The following NAV2 variants were observed in gnomAD, a reference collection of about 807,000 sequenced individuals.
The protein encoded by NAV2 is helicase, APC down-regulated 1.
Under a neutral mutation model 223.2 loss-of-function variants are expected in NAV2, and 54 were observed. The observed-to-expected ratio is 0.24, with a 90% CI of 0.19 to 0.30. The LOEUF (loss-of-function observed/expected upper bound fraction) is 0.30. Ranked by LOEUF, NAV2 falls within the 10% of genes least tolerant of loss-of-function variation. NAV2 has a pLI of 1.00. For missense variants in NAV2, 2,806 were observed against 3,147.5 expected, an observed-to-expected ratio of 0.89 and a Z score of 2.60; for synonymous variants, 1,279 against 1,239.3, an observed-to-expected ratio of 1.03 and a Z score of -0.67.
At position 20,051,310 on chromosome 11, in the gene NAV2, C is replaced by T; in HGVS notation, c.4458C>T (p.Asn1486=). Residue 1486 remains asparagine, a synonymous_variant, in exon 17 of 38, where the codon AAC becomes AAT. Coordinates refer to ENST00000349880, the MANE Select transcript of NAV2 (RefSeq NM_145117.5). ...ACAGTGACCCGCACCTTGATAGGAA[C>T]ACTTTGCCTAAGAAAGGACTCAGGT... is the stretch of plus-strand genomic sequence containing the variant. ...KQDSDPHLDR[N]TLPKKGLRYT... The T allele has an allele frequency of 1.2e-6, 2 of 1,614,128 alleles. No individual in the cohort carries two copies. Among genetic ancestry groups the T allele is most frequent in the Non-Finnish European group, 1.7e-6 (2 of 1,179,970 alleles).
upstream of NAV2, among the ~76,000 whole-genome samples, chr11:19,346,077 G>T (rs575208086): frequency 7.9e-5 from 12 of 152,098 alleles, no homozygotes; most frequent in Non-Finnish European, 1.6e-4. Flanking sequence ...CTATGAGCGC[G>T]TGTGTTTTCT....
chr11:20,103,249 C>T lies in NAV2; in HGVS notation c.6418-6C>T. The T allele has an allele frequency of 1.2e-6, 2 of 1,609,982 alleles. No homozygotes were observed. Among genetic ancestry groups the T allele is most frequent in the Non-Finnish European group, 1.7e-6 (2 of 1,177,632 alleles). On this transcript the variant is annotated splice_region_variant and splice_polypyrimidine_tract_variant and intron_variant, in intron 32 of 37. Transcript: ENST00000349880. Reference sequence around the variant, plus strand: ...TGTTCTCCTTCGGCCTTCCTGGCCACCATAGGAATTGCGCCAGTACCTGTC... The same window carrying T: ...TGTTCTCCTTCGGCCTTCCTGGCCATCATAGGAATTGCGCCAGTACCTGTC...
chr11:19,702,830 C>G (rs1345174600), intron 1 of NAV2, among the ~76,000 whole-genome samples: 2 of 144,986 alleles, frequency 1.4e-5, no homozygotes, highest in African/African-American at 5.1e-5. Flanking sequence ...ATAATAAGTC[C>G]CTTGAATAAA....
intron 1 of NAV2, among the ~76,000 whole-genome samples, chr11:19,456,977 C>T (rs1426860158): frequency 6.6e-6 from 1 of 152,164 alleles, no homozygotes; most frequent in Non-Finnish European, 1.5e-5. Flanking sequence ...TCTTAGGACT[C>T]GGCTCTTCTG....
intron 27 of NAV2, among the ~76,000 whole-genome samples, chr11:20,091,962 C>T (rs2060881376): frequency 6.6e-6 from 1 of 152,142 alleles, no homozygotes; most frequent in Non-Finnish European, 1.5e-5. Flanking sequence ...AAGCAGCAGA[C>T]TCTGGGAAGC....
chr11:19,844,997 A>G (rs1376119306), intron 3 of NAV2, among the ~76,000 whole-genome samples: 1 of 152,156 alleles, frequency 6.6e-6, no homozygotes, highest in Admixed American at 6.5e-5. Flanking sequence ...CAGTCATTCT[A>G]TTCTGTAGGA....
chr11:20,016,891 A>T (rs2054057944), intron 11 of NAV2, among the ~76,000 whole-genome samples: 3 of 151,874 alleles, frequency 2.0e-5, no homozygotes, highest in Non-Finnish European at 4.4e-5. Flanking sequence ...CTGTAGTGCT[A>T]GCTACTCAGG....
chr11:19,992,873 A>G (rs543885672), intron 11 of NAV2, among the ~76,000 whole-genome samples: 1 of 152,238 alleles, frequency 6.6e-6, no homozygotes, highest in African/African-American at 2.4e-5. Flanking sequence ...GATTACAGAC[A>G]TGAGCCACTG....
At chr11:20,059,305 C>T (rs557264966) in intron 19 of NAV2, among the ~76,000 whole-genome samples, 18 of 152,124 alleles carry the variant, frequency 1.2e-4, no homozygotes, top group Non-Finnish European at 1.9e-4. Context: ...TGTCTGGCCA[C>T]GTCACTTAAC....
intron 1 of NAV2, among the ~76,000 whole-genome samples, chr11:19,420,056 C>T (rs1039178035): frequency 1.3e-4 from 20 of 152,142 alleles, no homozygotes; most frequent in Admixed American, 8.5e-4. Flanking sequence ...CAGTCTACTA[C>T]GCCCACGTTA....
At chr11:19,464,680 G>C (rs556443152) in intron 1 of NAV2, among the ~76,000 whole-genome samples, 1 of 152,342 alleles carries the variant, frequency 6.6e-6, no homozygotes, top group South Asian at 2.1e-4. Context: ...GTCAGGCTCT[G>C]TCTGTTCTCA....
chr11:19,931,451 ACTGTGAG>A (rs1188975813), intron 6 of NAV2, among the ~76,000 whole-genome samples: 1 of 152,202 alleles, frequency 6.6e-6, no homozygotes, highest in African/African-American at 2.4e-5. Flanking sequence ...CAGTTCCTTT[ACTGTGAG>A]CTCTCACGGC....
intron 1 of NAV2, among the ~76,000 whole-genome samples, chr11:19,401,039 A>AC (rs1849663207): frequency 6.6e-6 from 1 of 152,194 alleles, no homozygotes; most frequent in East Asian, 1.9e-4. Context: ...AATAACTCCT[A>AC]CCACAGAGCA....
intron 1 of NAV2, among the ~76,000 whole-genome samples, chr11:19,569,459 A>C (rs775340566): frequency 6.6e-6 from 1 of 152,224 alleles, no homozygotes; most frequent in Non-Finnish European, 1.5e-5. Flanking sequence ...CATGTAAGAA[A>C]AACCCATAAA....
intron 1 of NAV2, among the ~76,000 whole-genome samples, chr11:19,691,861 C>T (rs1334253045): frequency 6.6e-6 from 1 of 152,230 alleles, no homozygotes; most frequent in South Asian, 2.1e-4. Flanking sequence ...AAAGACCCCT[C>T]CCTGGCTGGC....
At chr11:19,607,914 T>TGTAAGG (rs1178921423) in intron 1 of NAV2, among the ~76,000 whole-genome samples, 5 of 152,348 alleles carry the variant, frequency 3.3e-5, no homozygotes, top group Admixed American at 3.3e-4. Context: ...TTATGCTAGA[T>TGTAAGG]CAGGAGGCTA....
chr11:19,656,273 AG>A (rs1296013655), intron 1 of NAV2, among the ~76,000 whole-genome samples: 1 of 152,190 alleles, frequency 6.6e-6, no homozygotes. Context: ...TCAACAGCAA[AG>A]GCCCATCCCT....
intron 1 of NAV2, among the ~76,000 whole-genome samples, chr11:19,702,826 A>ATAT (rs566087221): frequency 0.015 from 2,207 of 147,078 alleles, 80 homozygotes; most frequent in African/African-American, 0.033. Flanking sequence ...AATAATAATA[A>ATAT]GTCCCTTGAA....
intron 1 of NAV2, among the ~76,000 whole-genome samples, chr11:19,444,603 T>C (rs1851518074): frequency 6.6e-6 from 1 of 151,830 alleles, no homozygotes; most frequent in South Asian, 2.1e-4. Context: ...TTGAACTCTG[T>C]ATGAACAAGG....
Sources: allele counts gnomAD v4.1 joint callset (sites outside exome capture counted in the v4.1 genomes callset), GRCh38; gene constraint gnomAD v4.1.1; transcripts MANE v1.5; gene names NCBI Gene and HGNC (gene_info 2026-07-23, HGNC 2026-07-21).